UNC5D: variants seen among roughly 807,000 people sequenced by gnomAD.
UNC5D encodes unc-5 netrin receptor D.
UNC5D carries 39 observed loss-of-function variants against 105.4 expected under a neutral mutation model. The ratio of observed to expected loss-of-function variants is 0.37; its 90% CI spans 0.29 to 0.48. The LOEUF is 0.48. Among genes scored for constraint, UNC5D ranks in the 20% least tolerant of loss-of-function variants. The pLI, the probability that UNC5D is intolerant of heterozygous loss-of-function variation, is 0.98. For synonymous variants in UNC5D, 452 were observed against 450.4 expected (o/e 1.00, Z -0.04); for missense variants, 991 against 1,202.4 (o/e 0.82, Z 2.60).
At chr8:35,536,005 G>A (rs1005497556) in intron 1 of UNC5D, among the ~76,000 whole-genome samples, 2 of 152,170 alleles carry the variant, frequency 1.3e-5, no homozygotes, top group African/African-American at 4.8e-5. Context: ...AAGAAAGCCT[G>A]AATTTGAATC....
chr8:35,499,960 G>A (rs1811862521), intron 1 of UNC5D, among the ~76,000 whole-genome samples: 1 of 152,132 alleles, frequency 6.6e-6, no homozygotes, highest in Non-Finnish European at 1.5e-5. Context: ...TGGATTCTGT[G>A]CAAGTGAAAC....
At chr8:35,599,190 G>A (rs1475163742) in intron 4 of UNC5D, among the ~76,000 whole-genome samples, 1 of 144,652 alleles carries the variant, frequency 6.9e-6, no homozygotes, top group Admixed American at 6.9e-5. Context: ...CAGAACTAGA[G>A]TAGAATGGTG....
intron 1 of UNC5D, among the ~76,000 whole-genome samples, chr8:35,362,935 A>C (rs1801930586): frequency 6.6e-6 from 1 of 152,068 alleles, no homozygotes; most frequent in African/African-American, 2.4e-5. Flanking sequence ...CCAACCCATA[A>C]ATCCACAAAT....
chr8:35,374,642 C>T (rs188417019), intron 1 of UNC5D, among the ~76,000 whole-genome samples: 7 of 152,270 alleles, frequency 4.6e-5, no homozygotes, highest in African/African-American at 1.4e-4. Context: ...CTCAAAAGGA[C>T]ACACTAAATT....
intron 4 of UNC5D, among the ~76,000 whole-genome samples, chr8:35,617,731 T>C (rs1342646667): frequency 6.6e-6 from 1 of 152,228 alleles, no homozygotes; most frequent in Non-Finnish European, 1.5e-5. Context: ...CAGATTCACT[T>C]GGTTCTATCA....
Position 35,578,974 on chromosome 8 carries a change from G to A in UNC5D, c.466+10733G>A, listed in dbSNP as rs558528856. On this transcript the variant is annotated intron_variant, in intron 3 of 16. Transcript: ENST00000404895. The stretch of plus-strand genomic sequence containing the variant: ...GCTACCACCTTTGAAGGAAATCACA[G>A]CTTAATTCAGTCTGCCATTCTTATG... Among the ~76,000 whole-genome samples the A allele has an allele frequency of 1.7e-3, 264 of 152,284 alleles. 1 individual carries two copies. Among genetic ancestry groups the A allele is most frequent in the African/African-American group, 6.2e-3 (257 of 41,572 alleles).
At chr8:35,460,394 A>C (rs965692233) in intron 1 of UNC5D, among the ~76,000 whole-genome samples, 1 of 152,202 alleles carries the variant, frequency 6.6e-6, no homozygotes, top group African/African-American at 2.4e-5. Flanking sequence ...CAAACTGCAC[A>C]TCAGGAAATA....
chr8:35,252,763 TTA>T (rs965012803), intron 1 of UNC5D, among the ~76,000 whole-genome samples: 2 of 152,180 alleles, frequency 1.3e-5, no homozygotes, highest in Non-Finnish European at 2.9e-5. Flanking sequence ...AAGTGTTTTT[TTA>T]TATATGTGAG....
At chr8:35,507,246 G>A (rs890120239) in intron 1 of UNC5D, among the ~76,000 whole-genome samples, 6 of 151,402 alleles carry the variant, frequency 4.0e-5, no homozygotes, top group East Asian at 2.0e-4. Flanking sequence ...TAGTAGAGAC[G>A]GGGTTTCACC....
chr8:35,566,627 C>T (rs539669917), intron 2 of UNC5D, among the ~76,000 whole-genome samples: 7 of 152,330 alleles, frequency 4.6e-5, no homozygotes, highest in East Asian at 1.9e-4. Flanking sequence ...CATTTACAAA[C>T]GCTGACTGTG....
At chr8:35,708,871 T>C (rs1827767569) in intron 8 of UNC5D, among the ~76,000 whole-genome samples, 1 of 152,176 alleles carries the variant, frequency 6.6e-6, no homozygotes, top group Admixed American at 6.5e-5. Flanking sequence ...GAATCTCAAC[T>C]TCCTCAAAGT....
At chr8:35,368,713 G>T (rs1802269749) in intron 1 of UNC5D, among the ~76,000 whole-genome samples, 1 of 152,016 alleles carries the variant, frequency 6.6e-6, no homozygotes, top group African/African-American at 2.4e-5. Context: ...TTTATTTGAA[G>T]GTGGTGCCAT....
intron 4 of UNC5D, among the ~76,000 whole-genome samples, chr8:35,619,872 TGTTGC>T (rs1821248486): frequency 6.6e-6 from 1 of 152,210 alleles, no homozygotes; most frequent in African/African-American, 2.4e-5. Context: ...CTACTGCACC[TGTTGC>T]ACGGAGATTA....
At chr8:35,661,334 C>T (rs1342668119) in intron 4 of UNC5D, among the ~76,000 whole-genome samples, 1 of 151,990 alleles carries the variant, frequency 6.6e-6, no homozygotes, top group Non-Finnish European at 1.5e-5. Flanking sequence ...GAGAAAACAG[C>T]ATAATATTGA....
intron 4 of UNC5D, among the ~76,000 whole-genome samples, chr8:35,664,337 G>A (rs559422937): frequency 6.6e-6 from 1 of 152,224 alleles, no homozygotes; most frequent in East Asian, 1.9e-4. Flanking sequence ...TAATTGGGTT[G>A]AGTCCAATTG....
In UNC5D at chr8:35,567,947, A is replaced by C. The variant is rs1348888521; in HGVS notation, c.323-151A>C. 4.1e-6 allele frequency: 5 copies of C among 1,207,170 alleles called. No homozygotes were observed. In the South Asian group the frequency reaches 7.8e-5, roughly 19 times the overall value. 74.8% of individuals were successfully genotyped at this position (1,207,170 alleles called of 1,614,324 possible). ...ACTCAGCTGTTGAAATTTAATTAGCAGTAATATATTATTGTCAAAGTAATT... is the reference window on the plus strand; with the variant it reads ...ACTCAGCTGTTGAAATTTAATTAGCCGTAATATATTATTGTCAAAGTAATT... On this transcript the variant is annotated intron_variant, in intron 2 of 16. Transcript: ENST00000404895.
intron 1 of UNC5D, among the ~76,000 whole-genome samples, chr8:35,454,032 T>G (rs1230622843): frequency 6.6e-6 from 1 of 152,214 alleles, no homozygotes; most frequent in South Asian, 2.1e-4. Flanking sequence ...TTTAATCGCA[T>G]GGCAAATTCA....
At position 35,299,550 on chromosome 8, in the gene UNC5D, G is replaced by A. The variant is rs994625543; in HGVS notation, c.103+63663G>A. ...AGTAAAAATAAAAAATACATAAAGC[G>A]TGGCACTGTCATTCTCTGCTAGTGG... On this transcript the variant is annotated intron_variant, in intron 1 of 16. Coordinates refer to ENST00000404895, the MANE Select transcript of UNC5D (RefSeq NM_080872.4). Among the ~76,000 whole-genome samples the A allele has an allele frequency of 3.9e-5, 6 of 152,088 alleles. No individual in the cohort carries two copies. In the East Asian group the frequency reaches 5.8e-4, roughly 15 times the overall value.
intron 1 of UNC5D, among the ~76,000 whole-genome samples, chr8:35,476,344 C>A (rs375347984): frequency 2.0e-5 from 3 of 152,310 alleles, no homozygotes; most frequent in African/African-American, 4.8e-5. Context: ...TAGACACTTC[C>A]CCTCTTTGAG....
Sources: allele counts gnomAD v4.1 joint callset (sites outside exome capture counted in the v4.1 genomes callset), GRCh38; gene constraint gnomAD v4.1.1; transcripts MANE v1.5; gene names NCBI Gene and HGNC (gene_info 2026-07-23, HGNC 2026-07-21).